MVB12B: variants seen among roughly 807,000 people sequenced by gnomAD.
MVB12B encodes ESCRT-I complex subunit MVB12B.
In MVB12B, 16 loss-of-function variants were observed where a neutral mutation model predicts 41.6. The ratio of observed to expected loss-of-function variants is 0.38; its 90% CI spans 0.26 to 0.58. The LOEUF (loss-of-function observed/expected upper bound fraction) is 0.58, where lower values mean the gene tolerates loss of function less well. Ranked by LOEUF, MVB12B falls within the 20% of genes least tolerant of loss-of-function variation. The pLI, the probability that MVB12B is intolerant of heterozygous loss-of-function variation, is 0.62. For missense variants in MVB12B, 274 were observed against 380.2 expected (o/e 0.72, Z 2.32); for synonymous variants, 133 against 139.7 (o/e 0.95, Z 0.34).
At chr9:126,361,563 T>C (rs1830030675) in intron 2 of MVB12B, among the ~76,000 whole-genome samples, 1 of 139,024 alleles carries the variant, frequency 7.2e-6, no homozygotes, top group Non-Finnish European at 1.6e-5. Flanking sequence ...CTGCATCTGA[T>C]ATAATTTTCC....
chr9:126,422,191 C>T (rs1229882761), intron 7 of MVB12B, among the ~76,000 whole-genome samples: 15 of 151,134 alleles, frequency 9.9e-5, no homozygotes, highest in African/African-American at 2.9e-4. Context: ...GTGGATTTCA[C>T]AGGGTTGAAG....
At chr9:126,372,230 AC>A (rs558909064) in intron 2 of MVB12B, among the ~76,000 whole-genome samples, 59 of 152,346 alleles carry the variant, frequency 3.9e-4, no homozygotes, top group Middle Eastern at 3.4e-3. Context: ...TCCTTTTATG[AC>A]CGAATACTAT....
At chr9:126,356,910 T>A (rs1829896768) in intron 2 of MVB12B, among the ~76,000 whole-genome samples, 1 of 152,112 alleles carries the variant, frequency 6.6e-6, no homozygotes, top group East Asian at 1.9e-4. Flanking sequence ...GCCAAGCAGA[T>A]GCCGGTGCCA....
At chr9:126,414,161 T>C (rs1831738218) in intron 6 of MVB12B, among the ~76,000 whole-genome samples, 1 of 152,202 alleles carries the variant, frequency 6.6e-6, no homozygotes. Flanking sequence ...ATAAAATATA[T>C]TCTATAACTG....
intron 1 of MVB12B, among the ~76,000 whole-genome samples, chr9:126,337,272 T>G (rs1829310133): frequency 6.6e-6 from 1 of 152,176 alleles, no homozygotes; most frequent in Non-Finnish European, 1.5e-5. Flanking sequence ...TTCCCTCCTG[T>G]GCGGTGCTTG....
chr9:126,387,430 C>A (rs998226448), intron 4 of MVB12B, among the ~76,000 whole-genome samples: 2 of 152,100 alleles, frequency 1.3e-5, no homozygotes, highest in Non-Finnish European at 2.9e-5. Flanking sequence ...TTATTAAATT[C>A]TCTGTCTCAT....
intron 7 of MVB12B, among the ~76,000 whole-genome samples, chr9:126,460,606 C>A (rs768925547): frequency 3.9e-5 from 6 of 152,002 alleles, no homozygotes; most frequent in Non-Finnish European, 8.8e-5. Context: ...GGGTGGGCAT[C>A]GCCTCTCCCT....
chr9:126,478,335 C>T lies in MVB12B; in HGVS notation c.758-3034C>T, dbSNP rs1368161825. 2.0e-5 allele frequency among the ~76,000 whole-genome samples: 3 copies of T among 152,204 alleles called. No homozygotes were observed. The highest frequency in any genetic ancestry group is 1.3e-4 in the Admixed American group (2 of 15,296). On this transcript the variant is annotated intron_variant, in intron 7 of 9. Transcript: ENST00000361171. This position sits in a 1 kb window ranked among gnomAD's most constrained non-coding sequence, Gnocchi z 4.2. ...ACTTGCCCCAGGCTGGAGCCCTCTA[C>T]CCAGTTCCCCAGATCCCCGTGCATG... is the stretch of plus-strand genomic sequence containing the variant.
chr9:126,362,709 A>G (rs1830059572), intron 2 of MVB12B, among the ~76,000 whole-genome samples: 1 of 152,258 alleles, frequency 6.6e-6, no homozygotes, highest in Non-Finnish European at 1.5e-5. Flanking sequence ...GTTAATTTTT[A>G]CATCGTACAA....
intron 8 of MVB12B, among the ~76,000 whole-genome samples, chr9:126,481,749 C>A (rs142217630): frequency 6.6e-6 from 1 of 152,326 alleles, no homozygotes; most frequent in East Asian, 1.9e-4. Flanking sequence ...CTCAGGTGCA[C>A]TGAGCCTTTG....
chr9:126,361,797 C>G (rs1057357800), intron 2 of MVB12B, among the ~76,000 whole-genome samples: 1 of 151,668 alleles, frequency 6.6e-6, no homozygotes, highest in African/African-American at 2.4e-5. Context: ...ACCTGTAATC[C>G]CAGCAGCTCA....
In MVB12B at chr9:126,389,860, T is replaced by C. The variant is rs1830896168; in HGVS notation, c.410-2206T>C. Among the ~76,000 whole-genome samples, 1 of 152,136 alleles carries C rather than the reference T, an allele frequency of 6.6e-6. No individual in the cohort carries two copies. The highest frequency in any genetic ancestry group is 1.5e-5 in the Non-Finnish European group (1 of 68,028). On this transcript the variant is annotated intron_variant, in intron 4 of 9. Coordinates refer to ENST00000361171, the MANE Select transcript of MVB12B (RefSeq NM_033446.3). The surrounding 1 kb of genome is among the most constrained non-coding windows in gnomAD (Gnocchi z 4.4). ...CATTTCCTAGATGTTTAGCAATGTTTAGGGTCTGGATTCAGAACGTTGTTT... is the reference window on the plus strand; with the variant it reads ...CATTTCCTAGATGTTTAGCAATGTTCAGGGTCTGGATTCAGAACGTTGTTT...
At chr9:126,489,718 C>T (rs1382049407) in intron 9 of MVB12B, among the ~76,000 whole-genome samples, 1 of 152,202 alleles carries the variant, frequency 6.6e-6, no homozygotes, top group Non-Finnish European at 1.5e-5. Context: ...CTTCCAGCAG[C>T]CATGTGCTCC....
In MVB12B at chr9:126,376,190, CTCTT is replaced by C. The variant is rs968918667; in HGVS notation, c.205-4872_205-4869del. ...TCTTCCAGTGTTTACAGTTTCTAATCTCTTTATATTGTCCTCAAATTGTTCCTTT... is the reference window on the plus strand; with the variant it reads ...TCTTCCAGTGTTTACAGTTTCTAATCTATATTGTCCTCAAATTGTTCCTTT... On this transcript the variant is annotated intron_variant, in intron 2 of 9. Coordinates refer to ENST00000361171, the MANE Select transcript of MVB12B (RefSeq NM_033446.3). This position sits in a 1 kb window ranked among gnomAD's most constrained non-coding sequence, Gnocchi z 4.1. 3.9e-5 allele frequency among the ~76,000 whole-genome samples: 6 copies of C among 152,150 alleles called. No individual in the cohort carries two copies. The highest frequency in any genetic ancestry group is 3.3e-4 in the Admixed American group (5 of 15,276).
chr9:126,401,310 G>T lies in MVB12B; in HGVS notation c.662+5613G>T, dbSNP rs60011469. Among the ~76,000 whole-genome samples the T allele has an allele frequency of 3.3e-5, 5 of 152,330 alleles. No homozygotes were observed. In the East Asian group the frequency reaches 9.6e-4, roughly 29 times the overall value. On this transcript the variant is annotated intron_variant, in intron 6 of 9. Coordinates refer to ENST00000361171, the MANE Select transcript of MVB12B (RefSeq NM_033446.3). ...GCCCGTAGGAGGTGACGTGTTGCTCGCTATTGCAGTCATCTTCCTGTAATT... is the reference window on the plus strand; with the variant it reads ...GCCCGTAGGAGGTGACGTGTTGCTCTCTATTGCAGTCATCTTCCTGTAATT...
At chr9:126,399,893 C>A (rs1287421225) in intron 6 of MVB12B, among the ~76,000 whole-genome samples, 1 of 152,236 alleles carries the variant, frequency 6.6e-6, no homozygotes, top group Non-Finnish European at 1.5e-5. Flanking sequence ...ACAGCCAGAA[C>A]AACCTGCTGG....
chr9:126,496,561 G>A lies in MVB12B; in HGVS notation c.874-6616G>A, dbSNP rs148402527. On this transcript the variant is annotated intron_variant, in intron 9 of 9. Coordinates refer to ENST00000361171, the MANE Select transcript of MVB12B (RefSeq NM_033446.3). ...CCACAGCTGCCCTGAGCATGAGGAG[G>A]GTATAGAAAGTGTTGTTGTGGTCCG... 5.3e-4 allele frequency among the ~76,000 whole-genome samples: 81 copies of A among 151,672 alleles called. 1 individual carries two copies. Among genetic ancestry groups the A allele is most frequent in the African/African-American group, 1.4e-3 (59 of 41,316 alleles).
intron 6 of MVB12B, among the ~76,000 whole-genome samples, chr9:126,401,779 C>T (rs983521098): frequency 6.6e-6 from 1 of 152,266 alleles, no homozygotes; most frequent in African/African-American, 2.4e-5. Context: ...TCCCTCTGGA[C>T]ATGGGGATCA....
chr9:126,464,929 C>T (rs1440164775), intron 7 of MVB12B, among the ~76,000 whole-genome samples: 4 of 152,208 alleles, frequency 2.6e-5, no homozygotes, highest in East Asian at 1.9e-4. Flanking sequence ...CTGTTACTCC[C>T]GGCGTGCTTT....
Sources: allele counts gnomAD v4.1 joint callset (sites outside exome capture counted in the v4.1 genomes callset), GRCh38; gene constraint gnomAD v4.1.1; non-coding constraint Gnocchi (gnomAD v3.1); transcripts MANE v1.5; gene names NCBI Gene and HGNC (gene_info 2026-07-23, HGNC 2026-07-21).